Variants in UFC1 observed in about 807,000 individuals in gnomAD.
The protein encoded by UFC1 is ubiquitin-fold modifier conjugating enzyme 1, also known as ubiquitin-fold modifier-conjugating enzyme 1.
A neutral mutation model predicts 28.0 loss-of-function variants in UFC1; 22 were observed. The observed-to-expected ratio is 0.78, with a 90% CI of 0.56 to 1.12. The LOEUF (loss-of-function observed/expected upper bound fraction) is 1.12. Among genes scored for constraint, UFC1 ranks in the 50% most tolerant of loss-of-function variants. The probability of loss-of-function intolerance (pLI) is 0.00; values close to 1 mark genes in which losing one functional copy is unlikely to be tolerated. For missense variants in UFC1, 189 were observed against 207.8 expected (o/e 0.91, Z 0.56); for synonymous variants, 61 against 74.5 (o/e 0.82, Z 0.93).
At chr1:161,158,005 C>G in intron 4 of UFC1, 116 bp from the exon 5 acceptor site, 2 of 926,860 alleles carry the variant, frequency 2.2e-6, no homozygotes, top group Non-Finnish European at 3.4e-6. Flanking sequence ...AAGCAAAGTA[C>G]TTAGCTGAAC....
chr1:161,156,383 C>T (rs1049627123), intron 1 of UFC1, among the ~76,000 whole-genome samples: 18 of 148,774 alleles, frequency 1.2e-4, no homozygotes, highest in African/African-American at 4.2e-4. Flanking sequence ...AAAAAAAATA[C>T]AAAAAATTAG....
At position 161,158,565 on chromosome 1, in the gene UFC1, TAACTC is replaced by T. The variant is rs1571269388; in HGVS notation, c.*75_*79del. 2.0e-6 allele frequency: 3 copies of T among 1,487,480 alleles called. No individual in the cohort carries two copies. In the East Asian group the frequency reaches 6.8e-5, roughly 34 times the overall value. The allele number at this position is 1,487,480 out of a possible 1,614,324, so 92.1% of individuals were successfully genotyped here. A position where few individuals can be genotyped will look rare whatever the true frequency, so the allele number is the denominator to read the frequency against. On this transcript the variant is annotated 3_prime_UTR_variant, in exon 6 of 6. Coordinates refer to ENST00000368003, the MANE Select transcript of UFC1 (RefSeq NM_016406.4). The stretch of plus-strand genomic sequence containing the variant: ...ATACTATTTTCCTGTGCATCACACT[TAACTC>T]ATCTAACTGCTTCCCCGGACACCCT...
At chr1:161,156,165 G>C (rs1393248196) in intron 1 of UFC1, among the ~76,000 whole-genome samples, 1 of 152,138 alleles carries the variant, frequency 6.6e-6, no homozygotes, top group Non-Finnish European at 1.5e-5. Flanking sequence ...TCTCTGTTCT[G>C]GGCAGACCCC....
chr1:161,153,988 CT>C lies in UFC1; in HGVS notation c.-9del, dbSNP rs1213506208. The C allele has an allele frequency of 1.2e-6, 2 of 1,613,942 alleles. No homozygotes were observed. Among genetic ancestry groups the C allele is most frequent in the African/African-American group, 1.3e-5 (1 of 74,912 alleles). ...ACCACTTCCGCGTTTCTCTTGCGCCCTGGTCCAAGATGGCGGATGAAGCCAC... is the reference window on the plus strand; with the variant it reads ...ACCACTTCCGCGTTTCTCTTGCGCCCGGTCCAAGATGGCGGATGAAGCCAC... On this transcript the variant is annotated 5_prime_UTR_variant, in exon 1 of 6. Transcript: ENST00000368003.
At chr1:161,154,946 C>G (rs1207951406) in intron 1 of UFC1, among the ~76,000 whole-genome samples, 1 of 152,042 alleles carries the variant, frequency 6.6e-6, no homozygotes, top group Non-Finnish European at 1.5e-5. Context: ...GTAGTTTCTG[C>G]CTGCTTCAAA....
At chr1:161,158,068 G>C (rs932958640) in intron 4 of UFC1, 53 bp from the exon 5 acceptor site, 1 of 1,487,648 alleles carries the variant, frequency 6.7e-7, no homozygotes. Context: ...AGAGGCTGCT[G>C]TGCTTTATGG....
Position 161,158,445 on chromosome 1 carries a change from C to G in UFC1, c.457C>G (p.Leu153Val), listed in dbSNP as rs1186079380. The G allele has an allele frequency of 1.2e-6, 2 of 1,614,070 alleles. No individual in the cohort carries two copies. The highest frequency in any genetic ancestry group is 1.7e-6 in the Non-Finnish European group (2 of 1,180,038). Reference sequence around the variant, plus strand: ...ATGGCTGGCAGTGGAAATCCCTGATCTGATTCAGAAGGGCGTCATCCAACA... The same window carrying G: ...ATGGCTGGCAGTGGAAATCCCTGATGTGATTCAGAAGGGCGTCATCCAACA... The part of the protein sequence containing the change: ...GPWLAVEIPD[L>V]IQKGVIQHKE... Residue 153 changes from leucine (L) to valine (V), a missense_variant, in exon 6 of 6, where the codon CTG (leucine) becomes GTG (valine). Leu to Val is a conservative substitution (Grantham distance 32). Transcript: ENST00000368003.
At chr1:161,156,910 C>T (rs755055965) in intron 1 of UFC1, 40 bp from the exon 2 acceptor site, 33 of 1,578,760 alleles carry the variant, frequency 2.1e-5, no homozygotes, top group African/African-American at 1.1e-4. Context: ...CTGCCCTTGG[C>T]CCCAACTACT....
chr1:161,157,551 A>G, intron 3 of UFC1, 66 bp from the exon 4 acceptor site: 1 of 1,479,500 alleles, frequency 6.8e-7, no homozygotes, highest in South Asian at 1.2e-5. Context: ...AGAAATATGT[A>G]TGTCTGATTA....
At position 161,158,718 on chromosome 1, in the gene UFC1, A is replaced by G; in HGVS notation, c.*226A>G. On this transcript the variant is annotated 3_prime_UTR_variant, in exon 6 of 6. Coordinates refer to ENST00000368003, the MANE Select transcript of UFC1 (RefSeq NM_016406.4). Reference sequence around the variant, plus strand: ...AGGGAAGGGAAAGACTGGGCTTTGGACAATCTAGAGGTAATTTATATCCGC... The same window carrying G: ...AGGGAAGGGAAAGACTGGGCTTTGGGCAATCTAGAGGTAATTTATATCCGC... The G allele has an allele frequency of 1.7e-6, 1 of 573,402 alleles. No individual in the cohort carries two copies. The allele number at this position is 573,402 out of a possible 1,614,324, so 35.5% of individuals were successfully genotyped here. A position where few individuals can be genotyped will look rare whatever the true frequency, so the allele number is the denominator to read the frequency against.
intron 1 of UFC1, among the ~76,000 whole-genome samples, chr1:161,155,131 T>C (rs998855684): frequency 6.6e-6 from 1 of 152,158 alleles, no homozygotes; most frequent in African/African-American, 2.4e-5. Context: ...GAGACAGATA[T>C]GGACAGATAT....
In UFC1 at chr1:161,158,750, G is replaced by A. The variant is rs1236917131; in HGVS notation, c.*258G>A. The A allele has an allele frequency of 2.0e-6, 1 of 489,044 alleles. No individual in the cohort carries two copies. The highest frequency in any genetic ancestry group is 1.9e-5 in the African/African-American group (1 of 51,586). 30.3% of individuals were successfully genotyped at this position (489,044 alleles called of 1,614,324 possible). ...AGAGGTAATTTATATCCGCCCCCAG[G>A]TGGAGCAACATGCGATTCTGGAGGC... is the stretch of plus-strand genomic sequence containing the variant. On this transcript the variant is annotated 3_prime_UTR_variant, in exon 6 of 6. Coordinates refer to ENST00000368003, the MANE Select transcript of UFC1 (RefSeq NM_016406.4).
chr1:161,154,884 C>T (rs1657467568), intron 1 of UFC1, among the ~76,000 whole-genome samples: 1 of 152,142 alleles, frequency 6.6e-6, no homozygotes, highest in Non-Finnish European at 1.5e-5. Context: ...TAGAAACGGG[C>T]TGTCTTCTCA....
At chr1:161,157,759 G>A in intron 4 of UFC1, 66 bp downstream of exon 4, 2 of 1,373,672 alleles carry the variant, frequency 1.5e-6, no homozygotes, top group Non-Finnish European at 2.1e-6. Flanking sequence ...GTGGCGGGAG[G>A]GAGAGCATCA....
intron 1 of UFC1, 60 bp downstream of exon 1, chr1:161,154,180 T>C (rs1381976940): frequency 6.3e-7 from 1 of 1,596,740 alleles, no homozygotes; most frequent in Non-Finnish European, 8.6e-7. Context: ...TCAGGTGTCC[T>C]CAATAATAGG....
Position 161,156,618 on chromosome 1 carries a change from G to A in UFC1, c.124-332G>A, listed in dbSNP as rs527262402. Among the ~76,000 whole-genome samples, 10 of 150,924 alleles carry A rather than the reference G, an allele frequency of 6.6e-5. No individual in the cohort carries two copies. The South Asian group carries it at 1.5e-3, about 22-fold the overall frequency. ...GCACTTTGGGAGGCCAAGGCAGGTTGATCACCTGGGGTCAGGAGTTCGAGA... is the reference window on the plus strand; with the variant it reads ...GCACTTTGGGAGGCCAAGGCAGGTTAATCACCTGGGGTCAGGAGTTCGAGA... On this transcript the variant is annotated intron_variant, in intron 1 of 5. Transcript: ENST00000368003.
At position 161,158,695 on chromosome 1, in the gene UFC1, G is replaced by C; in HGVS notation, c.*203G>C. On this transcript the variant is annotated 3_prime_UTR_variant, in exon 6 of 6. Coordinates refer to ENST00000368003, the MANE Select transcript of UFC1 (RefSeq NM_016406.4). ...CTACTTAGTTTCTAAGGCTGCACAG[G>C]GAAGGGAAAGACTGGGCTTTGGACA... is the stretch of plus-strand genomic sequence containing the variant. 1 of 606,998 alleles carries C rather than the reference G, an allele frequency of 1.6e-6. No individual in the cohort carries two copies. The highest frequency in any genetic ancestry group is 2.9e-6 in the Non-Finnish European group (1 of 341,972). The allele number at this position is 606,998 out of a possible 1,614,324, so 37.6% of individuals were successfully genotyped here.
chr1:161,154,976 C>G (rs888633497), intron 1 of UFC1, among the ~76,000 whole-genome samples: 1 of 152,202 alleles, frequency 6.6e-6, no homozygotes, highest in Admixed American at 6.5e-5. Context: ...TTCTAGTTCT[C>G]CTACCTCATG....
intron 1 of UFC1, 95 bp downstream of exon 1, chr1:161,154,215 T>G: frequency 6.5e-7 from 1 of 1,549,284 alleles, no homozygotes; most frequent in Non-Finnish European, 8.8e-7. Flanking sequence ...CGCTTCCGGT[T>G]TTTAAGTTTA....
Sources: gnomAD v4.1 joint callset for allele counts (sites outside exome capture counted in the v4.1 genomes callset) on GRCh38, gnomAD v4.1.1 for gene constraint, MANE v1.5 for transcripts, NCBI Gene and HGNC (gene_info 2026-07-23, HGNC 2026-07-21) for gene names.